ABCG1: variants seen among roughly 807,000 people sequenced by gnomAD.
ABCG1 encodes ATP binding cassette subfamily G member 1, also known as ATP-binding cassette sub-family G member 1.
A neutral mutation model predicts 69.2 loss-of-function variants in ABCG1; 29 were observed. That is an observed-to-expected ratio of 0.42 (90% CI 0.31 to 0.57). The LOEUF is 0.57. ABCG1 is among the 20% of genes least tolerant of loss of function. ABCG1 has a pLI of 0.15. For synonymous variants in ABCG1, 370 were observed against 374.8 expected (o/e 0.99, Z 0.15); for missense variants, 718 against 898.1 (o/e 0.80, Z 2.56).
intron 2 of ABCG1, among the ~76,000 whole-genome samples, chr21:42,243,434 C>T (rs2068080452): frequency 9.8e-6 from 1 of 102,356 alleles, no homozygotes; most frequent in Non-Finnish European, 1.9e-5. Flanking sequence ...TATTTTAATA[C>T]CGTGTGTGTG....
At chr21:42,267,187 C>T (rs1042198969) in intron 2 of ABCG1, among the ~76,000 whole-genome samples, 2 of 152,220 alleles carry the variant, frequency 1.3e-5, no homozygotes, top group African/African-American at 2.4e-5. Context: ...TCACAGAGGC[C>T]GGCCCTGCCC....
intron 2 of ABCG1, among the ~76,000 whole-genome samples, chr21:42,268,404 A>T (rs2068556726): frequency 8.3e-6 from 1 of 121,178 alleles, no homozygotes; most frequent in South Asian, 2.5e-4. Flanking sequence ...CGCGCGCTGG[A>T]TACTCAGGAA....
At position 42,288,054 on chromosome 21, in the gene ABCG1, G is replaced by C; in HGVS notation, c.1122+17G>C. 1.2e-6 allele frequency: 2 copies of C among 1,605,988 alleles called. No homozygotes were observed. Among genetic ancestry groups the C allele is most frequent in the Non-Finnish European group, 1.7e-6 (2 of 1,174,088 alleles). ...TCTGAAGAGGTAAAGCAGACAAAAC[G>C]ATTAAAGGGGTTGAGAAAGGTAATG... On this transcript the variant is annotated intron_variant, in intron 9 of 14. Transcript: ENST00000398449. This position sits in a 1 kb window ranked among gnomAD's most constrained non-coding sequence, Gnocchi z 4.8.
upstream of ABCG1, among the ~76,000 whole-genome samples, chr21:42,214,042 T>C (rs28519543): frequency 0.052 from 7,906 of 152,274 alleles, 656 homozygotes; most frequent in African/African-American, 0.18. Context: ...ATGAACATAT[T>C]TGGCATGTGA....
At chr21:42,286,813 G>A (rs2068949534) in intron 8 of ABCG1, among the ~76,000 whole-genome samples, 1 of 152,230 alleles carries the variant, frequency 6.6e-6, no homozygotes, top group South Asian at 2.1e-4. Flanking sequence ...CCCTTCTGGG[G>A]ATTTCATTTC....
chr21:42,204,226 C>G (rs2067526978), intron 2 of ABCG1, among the ~76,000 whole-genome samples: 1 of 152,046 alleles, frequency 6.6e-6, no homozygotes, highest in African/African-American at 2.4e-5. Context: ...TCCAATCTGT[C>G]TGCCATTTAT....
At chr21:42,257,587 T>G (rs2068326980) in intron 2 of ABCG1, among the ~76,000 whole-genome samples, 2 of 152,214 alleles carry the variant, frequency 1.3e-5, no homozygotes, top group South Asian at 4.1e-4. Flanking sequence ...AGGACCGTAC[T>G]GAGAGCTCCA....
chr21:42,266,397 G>C (rs982115229), intron 2 of ABCG1, among the ~76,000 whole-genome samples: 2 of 152,288 alleles, frequency 1.3e-5, no homozygotes, highest in South Asian at 4.2e-4. Context: ...GGATCAAGGT[G>C]CTTCCACTGC....
intron 13 of ABCG1, among the ~76,000 whole-genome samples, chr21:42,292,214 C>T (rs1230875781): frequency 6.6e-6 from 1 of 152,124 alleles, no homozygotes; most frequent in East Asian, 1.9e-4. Context: ...AAGCAGTGTT[C>T]CTGGGTGGAT....
chr21:42,256,736 G>T, intron 2 of ABCG1: 1 of 1,379,794 alleles, frequency 7.2e-7, no homozygotes, highest in Non-Finnish European at 9.4e-7. Flanking sequence ...ATAGGCTCTG[G>T]CTCTTCAGAA....
In ABCG1 at chr21:42,266,133, C is replaced by G. The variant is rs2068500861; in HGVS notation, c.287-4937C>G. Among the ~76,000 whole-genome samples, 3 of 152,052 alleles carry G rather than the reference C, an allele frequency of 2.0e-5. No homozygotes were observed. The South Asian group carries it at 6.2e-4, about 32-fold the overall frequency. On this transcript the variant is annotated intron_variant, in intron 2 of 14. Transcript: ENST00000398449. ...TGGCTAACACAGTGAAACCACATCT[C>G]TACTAAAAATACAAAAAATTAGCCT...
At chr21:42,258,409 C>T (rs2068346165) in intron 2 of ABCG1, among the ~76,000 whole-genome samples, 1 of 150,766 alleles carries the variant, frequency 6.6e-6, no homozygotes, top group African/African-American at 2.4e-5. Flanking sequence ...CTCCATCCCA[C>T]CTTCCATATC....
In ABCG1 at chr21:42,296,469, TGC is replaced by T; in HGVS notation, c.*78_*79del. ...GTCTAGAATCGAGGAGGCAAGCCTGTGCCCGACCGACGACACAGAGACTCTTC... is the reference window on the plus strand; with the variant it reads ...GTCTAGAATCGAGGAGGCAAGCCTGTCCGACCGACGACACAGAGACTCTTC... On this transcript the variant is annotated 3_prime_UTR_variant, in exon 15 of 15. Coordinates refer to ENST00000398449, the MANE Select transcript of ABCG1 (RefSeq NM_016818.3). The surrounding 1 kb of genome is among the most constrained non-coding windows in gnomAD (Gnocchi z 5.4). 1 of 1,345,790 alleles carries T rather than the reference TGC, an allele frequency of 7.4e-7. No individual in the cohort carries two copies. The highest frequency in any genetic ancestry group is 1.0e-6 in the Non-Finnish European group (1 of 964,190). The allele number at this position is 1,345,790 out of a possible 1,614,324, so 83.4% of individuals were successfully genotyped here. A position where few individuals can be genotyped will look rare whatever the true frequency, so the allele number is the denominator to read the frequency against.
intron 2 of ABCG1, among the ~76,000 whole-genome samples, chr21:42,231,694 G>A (rs2067903227): frequency 6.6e-6 from 1 of 152,234 alleles, no homozygotes; most frequent in South Asian, 2.1e-4. Context: ...AGGGGAGGCA[G>A]CCCGGTTAAA....
chr21:42,242,944 A>G (rs1294549887), intron 2 of ABCG1, among the ~76,000 whole-genome samples: 1 of 152,074 alleles, frequency 6.6e-6, no homozygotes, highest in Non-Finnish European at 1.5e-5. Context: ...GTATGGGGCG[A>G]TGCTGCTGTT....
At position 42,293,228 on chromosome 21, in the gene ABCG1, TACACACCACAC is replaced by T. The variant is rs1236609576; in HGVS notation, c.1654-1302_1654-1292del. 5.8e-5 allele frequency among the ~76,000 whole-genome samples: 5 copies of T among 86,308 alleles called. No individual in the cohort carries two copies. In the East Asian group the frequency reaches 1.6e-3, roughly 27 times the overall value. The allele number at this position is 86,308 out of a possible 152,430, so 56.6% of individuals were successfully genotyped here. ...CACACTGCATACACACACTACACAC[TACACACCACAC>T]ACACACCACACTACACACCATACAC... On this transcript the variant is annotated intron_variant, in intron 13 of 14. Coordinates refer to ENST00000398449, the MANE Select transcript of ABCG1 (RefSeq NM_016818.3).
chr21:42,289,930 G>T, intron 10 of ABCG1, 120 bp from the exon 11 acceptor site: 3 of 1,081,142 alleles, frequency 2.8e-6, no homozygotes, highest in Non-Finnish European at 4.1e-6. Flanking sequence ...ACAGGATAAA[G>T]TCTAAGACGT....
chr21:42,217,355 T>C (rs2067652040), upstream of ABCG1, among the ~76,000 whole-genome samples: 1 of 152,126 alleles, frequency 6.6e-6, no homozygotes, highest in African/African-American at 2.4e-5. Flanking sequence ...ACATGGACAG[T>C]TCCTCCCCGG....
chr21:42,291,748 C>T lies in ABCG1; in HGVS notation c.1653+92C>T. The T allele has an allele frequency of 2.2e-6, 3 of 1,394,652 alleles. No individual in the cohort carries two copies. Among genetic ancestry groups the T allele is most frequent in the Non-Finnish European group, 2.9e-6 (3 of 1,050,060 alleles). 86.4% of individuals were successfully genotyped at this position (1,394,652 alleles called of 1,614,324 possible). On this transcript the variant is annotated intron_variant, in intron 13 of 14. Transcript: ENST00000398449. This position sits in a 1 kb window ranked among gnomAD's most constrained non-coding sequence, Gnocchi z 6.4. ...GCTAGGGGGCTCTGCCACCCCTTCCCCTACTTCTGCCCTGACCCTCCTAGA... is the reference window on the plus strand; with the variant it reads ...GCTAGGGGGCTCTGCCACCCCTTCCTCTACTTCTGCCCTGACCCTCCTAGA...
Sources: gnomAD v4.1 joint callset for allele counts (sites outside exome capture counted in the v4.1 genomes callset) on GRCh38, gnomAD v4.1.1 for gene constraint, Gnocchi (gnomAD v3.1) non-coding constraint, MANE v1.5 for transcripts, NCBI Gene and HGNC (gene_info 2026-07-23, HGNC 2026-07-21) for gene names.